DOCK1: variants seen among roughly 807,000 people sequenced by gnomAD.
DOCK1 encodes dedicator of cytokinesis 1, also known as dedicator of cytokinesis protein 1.
In DOCK1, 138 loss-of-function variants were observed where a neutral mutation model predicts 262.7. The ratio of observed to expected loss-of-function variants is 0.53; its 90% CI spans 0.46 to 0.61. The LOEUF (loss-of-function observed/expected upper bound fraction) is 0.61. Among genes scored for constraint, DOCK1 ranks in the 20% least tolerant of loss-of-function variants. The probability of loss-of-function intolerance (pLI) is 0.00; values close to 1 mark genes in which losing one functional copy is unlikely to be tolerated. For missense variants in DOCK1, 1,908 were observed against 2,370.7 expected (o/e 0.80, Z 4.05); for synonymous variants, 866 against 867.4 (o/e 1.00, Z 0.03).
At chr10:127,390,998 C>T (rs963529563) in intron 38 of DOCK1, among the ~76,000 whole-genome samples, 1 of 152,208 alleles carries the variant, frequency 6.6e-6, no homozygotes, top group Non-Finnish European at 1.5e-5. Context: ...CTGCCGCCCA[C>T]ATGCGGCTGG....
intron 2 of DOCK1, among the ~76,000 whole-genome samples, chr10:126,972,908 T>G (rs1474248788): frequency 6.6e-6 from 1 of 151,706 alleles, no homozygotes; most frequent in Non-Finnish European, 1.5e-5. Context: ...TGGGGTCTTC[T>G]GCTTGTTTTC....
intron 27 of DOCK1, chr10:127,145,793 T>C (rs373536547): frequency 6.2e-6 from 2 of 320,798 alleles, no homozygotes; most frequent in East Asian, 2.0e-4. Flanking sequence ...CTGATACCCA[T>C]TGAGAGCATC....
chr10:127,000,609 G>A, intron 10 of DOCK1: 1 of 304,430 alleles, frequency 3.3e-6, no homozygotes, highest in Non-Finnish European at 6.1e-6. Flanking sequence ...AGTCAGTGGA[G>A]GTTTTCAGGT....
At chr10:127,304,384 A>G (rs1393049881) in intron 29 of DOCK1, among the ~76,000 whole-genome samples, 2 of 152,148 alleles carry the variant, frequency 1.3e-5, no homozygotes, top group South Asian at 2.1e-4. Flanking sequence ...ATTCTAATAT[A>G]TATTTGTATT....
chr10:126,937,781 C>T (rs2134224907), intron 1 of DOCK1, among the ~76,000 whole-genome samples: 1 of 152,114 alleles, frequency 6.6e-6, no homozygotes, highest in East Asian at 1.9e-4. Flanking sequence ...AATATTTTAT[C>T]CCATTCTGTG....
At chr10:127,294,126 G>C (rs2061429188) in intron 29 of DOCK1, among the ~76,000 whole-genome samples, 1 of 152,172 alleles carries the variant, frequency 6.6e-6, no homozygotes, top group Non-Finnish European at 1.5e-5. Context: ...AACTCATTTT[G>C]TGTTACTGAC....
In DOCK1 at chr10:127,131,748, A is replaced by T. The variant is rs529629770; in HGVS notation, c.2847+3984A>T. Among the ~76,000 whole-genome samples, 12 of 152,344 alleles carry T rather than the reference A, an allele frequency of 7.9e-5. No homozygotes were observed. In the South Asian group the frequency reaches 2.5e-3, roughly 32 times the overall value. Reference sequence around the variant, plus strand: ...CCTGACAAGGTGGACAAAAACCTTAATCAGTAGACCTTCTAGAGTGGAAAA... The same window carrying T: ...CCTGACAAGGTGGACAAAAACCTTATTCAGTAGACCTTCTAGAGTGGAAAA... On this transcript the variant is annotated intron_variant, in intron 27 of 51. Coordinates refer to ENST00000623213, the MANE Select transcript of DOCK1 (RefSeq NM_001290223.2).
chr10:126,998,319 G>A (rs2040353821), intron 8 of DOCK1, 70 bp downstream of exon 8: 1 of 1,592,666 alleles, frequency 6.3e-7, no homozygotes, highest in Non-Finnish European at 8.6e-7. Flanking sequence ...CAGAACCACT[G>A]AAGCGTCCCA....
chr10:127,093,243 T>TTTTCTTTCTTTCTTTCTTTC lies in DOCK1; in HGVS notation c.2446-12985_2446-12984insCTTTCTTTCTTTCTTTCTTT, dbSNP rs2047680866. 1.2e-3 allele frequency among the ~76,000 whole-genome samples: 39 copies of TTTTCTTTCTTTCTTTCTTTC among 33,002 alleles called. 1 individual carries two copies. The highest frequency in any genetic ancestry group is 5.1e-3 in the African/African-American group (27 of 5,340). 21.7% of individuals were successfully genotyped at this position (33,002 alleles called of 152,430 possible). A position where few individuals can be genotyped will look rare whatever the true frequency, so the allele number is the denominator to read the frequency against. On this transcript the variant is annotated intron_variant, in intron 23 of 51. Coordinates refer to ENST00000623213, the MANE Select transcript of DOCK1 (RefSeq NM_001290223.2). Reference sequence around the variant, plus strand: ...CTTTTCTTTCTTTCTTTCTTTCTTCTTTTTTTTTTTTTTTTTTTTGGAGAC... The same window carrying TTTTCTTTCTTTCTTTCTTTC: ...CTTTTCTTTCTTTCTTTCTTTCTTCTTTTCTTTCTTTCTTTCTTTCTTTTTTTTTTTTTTTTTTTGGAGAC...
intron 40 of DOCK1, among the ~76,000 whole-genome samples, chr10:127,406,472 C>T (rs2067521180): frequency 6.6e-6 from 1 of 152,182 alleles, no homozygotes; most frequent in African/African-American, 2.4e-5. Flanking sequence ...TTCTGTGGGT[C>T]TGCAGCAATA....
chr10:126,906,455 C>T (rs557602235), intron 1 of DOCK1, among the ~76,000 whole-genome samples: 2 of 152,318 alleles, frequency 1.3e-5, no homozygotes, highest in African/African-American at 2.4e-5. Flanking sequence ...TGGGCCGTGG[C>T]TACTCTCCTG....
At chr10:127,232,433 G>A (rs78828772) in intron 27 of DOCK1, among the ~76,000 whole-genome samples, 2,813 of 152,242 alleles carry the variant, frequency 0.018, 100 homozygotes, top group African/African-American at 0.064. Context: ...GGCAGAGTCC[G>A]GGAGGTGATG....
intron 31 of DOCK1, among the ~76,000 whole-genome samples, chr10:127,345,370 C>G (rs1301644316): frequency 2.0e-5 from 3 of 152,204 alleles, no homozygotes; most frequent in Non-Finnish European, 4.4e-5. Context: ...AGTGACCGAG[C>G]CACTTGGCCA....
chr10:126,912,325 G>A lies in DOCK1; in HGVS notation c.46+6762G>A, dbSNP rs191645353. The stretch of plus-strand genomic sequence containing the variant: ...GGCGCCTGTAATCCCAGCTACTGGG[G>A]AGGCTGAGGCAGGAGAATCACTGGA... On this transcript the variant is annotated intron_variant, in intron 1 of 51. Coordinates refer to ENST00000623213, the MANE Select transcript of DOCK1 (RefSeq NM_001290223.2). Among the ~76,000 whole-genome samples, 1,092 of 152,054 alleles carry A rather than the reference G, an allele frequency of 7.2e-3. 6 individuals are homozygous for A. The highest frequency in any genetic ancestry group is 9.5e-3 in the Non-Finnish European group (643 of 67,972).
intron 1 of DOCK1, among the ~76,000 whole-genome samples, chr10:126,946,488 G>A (rs1237608086): frequency 1.1e-4 from 16 of 152,168 alleles, no homozygotes; most frequent in Non-Finnish European, 1.6e-4. Context: ...GGAGGTTGCA[G>A]TGAGCTGAGA....
At chr10:127,322,887 G>A (rs1008699264) in intron 29 of DOCK1, among the ~76,000 whole-genome samples, 4 of 152,238 alleles carry the variant, frequency 2.6e-5, no homozygotes, top group African/African-American at 9.6e-5. Flanking sequence ...AATGGAAAGT[G>A]CACTGTTAAG....
chr10:127,315,292 C>G (rs1171837158), intron 29 of DOCK1, among the ~76,000 whole-genome samples: 1 of 152,186 alleles, frequency 6.6e-6, no homozygotes, highest in African/African-American at 2.4e-5. Flanking sequence ...GAGGTCCTAC[C>G]TCTCAGTACC....
At chr10:127,253,917 C>G (rs2059745518) in intron 28 of DOCK1, among the ~76,000 whole-genome samples, 1 of 151,012 alleles carries the variant, frequency 6.6e-6, no homozygotes, top group Admixed American at 6.6e-5. Flanking sequence ...CCTGCCACCT[C>G]AATTCATCCG....
At position 127,443,414 on chromosome 10, in the gene DOCK1, T is replaced by G. The variant is rs139712656; in HGVS notation, c.5260-712T>G. Among the ~76,000 whole-genome samples, 478 of 152,188 alleles carry G rather than the reference T, an allele frequency of 3.1e-3. 7 individuals are homozygous for G. Among genetic ancestry groups the G allele is most frequent in the African/African-American group, 0.011 (457 of 41,508 alleles). On this transcript the variant is annotated intron_variant, in intron 49 of 51. Coordinates refer to ENST00000623213, the MANE Select transcript of DOCK1 (RefSeq NM_001290223.2). ...CCTGTGGAGAGCAGCCCCCAGGAGT[T>G]CTGTGTTGTGGTTTTTATATTGGAC...
Sources: gnomAD v4.1 joint callset for allele counts (sites outside exome capture counted in the v4.1 genomes callset) on GRCh38, gnomAD v4.1.1 for gene constraint, MANE v1.5 for transcripts, NCBI Gene and HGNC (gene_info 2026-07-23, HGNC 2026-07-21) for gene names.